LRP12: variants seen among roughly 807,000 people sequenced by gnomAD.
LRP12 encodes the protein LDL receptor related protein 12, also known as low-density lipoprotein receptor-related protein 12.
Under a neutral mutation model 66.0 loss-of-function variants are expected in LRP12, and 14 were observed. The ratio of observed to expected loss-of-function variants is 0.21; its 90% CI spans 0.14 to 0.33. The LOEUF (loss-of-function observed/expected upper bound fraction) is 0.33. Ranked by LOEUF, LRP12 falls within the 10% of genes least tolerant of loss-of-function variation. The pLI, the probability that LRP12 is intolerant of heterozygous loss-of-function variation, is 1.00. For synonymous variants in LRP12, 357 were observed against 359.1 expected, an observed-to-expected ratio of 0.99 and a Z score of 0.07; for missense variants, 889 against 1,053.4, an observed-to-expected ratio of 0.84 and a Z score of 2.16.
intron 1 of LRP12, among the ~76,000 whole-genome samples, chr8:104,563,800 T>C (rs1403603752): frequency 6.6e-6 from 1 of 152,166 alleles, no homozygotes; most frequent in Non-Finnish European, 1.5e-5. Context: ...TGCCAGTGCC[T>C]CGATGCTGGA....
At chr8:104,524,252 A>G in intron 2 of LRP12, among the ~76,000 whole-genome samples, 1 of 152,068 alleles carries the variant, frequency 6.6e-6, no homozygotes, top group East Asian at 1.9e-4. Context: ...AAAAAAAAAA[A>G]AAAAAAAAAA....
chr8:104,562,560 C>T (rs1307918477), intron 1 of LRP12, among the ~76,000 whole-genome samples: 2 of 152,190 alleles, frequency 1.3e-5, no homozygotes, highest in East Asian at 3.9e-4. Flanking sequence ...ACACTAATCA[C>T]ATTTTATTTT....
At chr8:104,583,520 A>G (rs7834086) in intron 1 of LRP12, among the ~76,000 whole-genome samples, 22,078 of 152,180 alleles carry the variant, frequency 0.15, 2,408 homozygotes, top group African/African-American at 0.31. Context: ...TCTCTGCCCC[A>G]TGTCTGTTTC....
chr8:104,563,250 A>G (rs1811943354), intron 1 of LRP12, among the ~76,000 whole-genome samples: 1 of 152,188 alleles, frequency 6.6e-6, no homozygotes, highest in Non-Finnish European at 1.5e-5. Flanking sequence ...TTGCTTAACA[A>G]ATGATAACCA....
At position 104,497,005 on chromosome 8, in the gene LRP12, C is replaced by G. The variant is rs1034287418; in HGVS notation, c.1547G>C (p.Cys516Ser). The change falls in exon 5 of 7, where the codon TGT (cysteine) becomes TCT (serine). Residue 516 changes from cysteine (C) to serine (S), a missense_variant. Transcript: ENST00000276654. This position sits in a 1 kb window ranked among gnomAD's most constrained non-coding sequence, Gnocchi z 4.3. ...AAACATTCTCAGAGAATAAAGCTTA[C>G]AAGTACATCCCAATGCTATGACGAG... ...LLLVIALGCTCKLYSLRMFER... is the reference protein window; with the variant it reads ...LLLVIALGCTSKLYSLRMFER... 1.9e-6 allele frequency: 3 copies of G among 1,545,854 alleles called. No individual in the cohort carries two copies. In the African/African-American group the frequency reaches 4.1e-5, roughly 21 times the overall value.
rs1429178977 is a variant in LRP12 at position 104,489,960 on chromosome 8, A to G, written c.*713T>C. On this transcript the variant is annotated 3_prime_UTR_variant, in exon 7 of 7. Coordinates refer to ENST00000276654, the MANE Select transcript of LRP12 (RefSeq NM_013437.5). Reference sequence around the variant, plus strand: ...CATCCACTTAATTCTGTTGCTAAATAGAGATGAAAAAAGAAATGACTTGGG... The same window carrying G: ...CATCCACTTAATTCTGTTGCTAAATGGAGATGAAAAAAGAAATGACTTGGG... The G allele has an allele frequency of 6.6e-6, 1 of 152,670 alleles. No homozygotes were observed. The highest frequency in any genetic ancestry group is 1.5e-5 in the Non-Finnish European group (1 of 68,028). 9.5% of individuals were successfully genotyped at this position (152,670 alleles called of 1,614,324 possible).
intron 1 of LRP12, among the ~76,000 whole-genome samples, chr8:104,582,849 A>G (rs1812274271): frequency 6.6e-6 from 1 of 152,142 alleles, no homozygotes; most frequent in Admixed American, 6.5e-5. Flanking sequence ...ATCACCCTCA[A>G]CTTCTCATTC....
chr8:104,546,306 C>T lies in LRP12; in HGVS notation c.80-14343G>A, dbSNP rs181516058. ...ATCAACTTCAAGGGTTTGATAAGTG[C>T]GAACAAATATGTCCAGTCAAGCAAC... On this transcript the variant is annotated intron_variant, in intron 1 of 6. Transcript: ENST00000276654. 1.1e-3 allele frequency among the ~76,000 whole-genome samples: 168 copies of T among 152,104 alleles called. 2 individuals are homozygous for T. Among genetic ancestry groups the T allele is most frequent in the African/African-American group, 3.0e-3 (124 of 41,518 alleles).
chr8:104,579,149 T>C (rs1056848671), intron 1 of LRP12, among the ~76,000 whole-genome samples: 7 of 152,134 alleles, frequency 4.6e-5, no homozygotes, highest in South Asian at 2.1e-4. Flanking sequence ...TTATCCCTGT[T>C]TGCAAATGAC....
In LRP12 at chr8:104,491,041, G is replaced by A. The variant is rs748604344; in HGVS notation, c.2212C>T (p.Arg738Cys). 5.6e-6 allele frequency: 9 copies of A among 1,614,104 alleles called. No individual in the cohort carries two copies. The highest frequency in any genetic ancestry group is 3.3e-5 in the Admixed American group (2 of 60,024). The change falls in exon 7 of 7, where the codon CGC becomes TGC. Residue 738 changes from arginine to cysteine, a missense_variant. By Grantham distance (180) the Arg-to-Cys change is radical (BLOSUM62 -3). This residue lies in a region of LRP12 where 800 missense variants were observed against 964.5 expected (regional missense o/e 0.83). Coordinates refer to ENST00000276654, the MANE Select transcript of LRP12 (RefSeq NM_013437.5). Reference sequence around the variant, plus strand: ...CGTCCTAATGTAAAACGTACCCAGCGTAGCCCCTGAGTCATACGACTGAGT... The same window carrying A: ...CGTCCTAATGTAAAACGTACCCAGCATAGCCCCTGAGTCATACGACTGAGT... Reference protein sequence around the residue: ...SALSRMTQGLRWVRFTLGRSS... With the variant: ...SALSRMTQGLCWVRFTLGRSS...
intron 6 of LRP12, among the ~76,000 whole-genome samples, chr8:104,492,650 A>C (rs1159314768): frequency 1.3e-5 from 2 of 152,146 alleles, no homozygotes; most frequent in Non-Finnish European, 2.9e-5. Context: ...TATTGCATTT[A>C]TTTATGCTTT....
chr8:104,588,776 C>T (rs372792186), intron 1 of LRP12, 43 bp downstream of exon 1: 2 of 1,593,226 alleles, frequency 1.3e-6, no homozygotes, highest in East Asian at 4.6e-5. Context: ...CGGGTCGCCT[C>T]AGCTTTGTTC....
At chr8:104,525,489 T>C (rs1035673078) in intron 2 of LRP12, among the ~76,000 whole-genome samples, 2 of 152,110 alleles carry the variant, frequency 1.3e-5, no homozygotes, top group Non-Finnish European at 2.9e-5. Context: ...ACCAAAAATA[T>C]ATTATTAATT....
At chr8:104,567,835 A>T (rs1812028280) in intron 1 of LRP12, among the ~76,000 whole-genome samples, 1 of 152,224 alleles carries the variant, frequency 6.6e-6, no homozygotes, top group Non-Finnish European at 1.5e-5. Context: ...GATTGGTAAG[A>T]CAATTCTTGA....
intron 1 of LRP12, among the ~76,000 whole-genome samples, chr8:104,546,934 T>C (rs1811571076): frequency 6.9e-6 from 1 of 144,702 alleles, no homozygotes. Context: ...AATTATATAT[T>C]ATATTTTGTA....
chr8:104,582,495 T>C (rs1227506623), intron 1 of LRP12, among the ~76,000 whole-genome samples: 5 of 152,210 alleles, frequency 3.3e-5, no homozygotes, highest in East Asian at 1.9e-4. Flanking sequence ...TCTTTATTGA[T>C]AGCTTAGCAG....
intron 2 of LRP12, among the ~76,000 whole-genome samples, chr8:104,523,561 T>A (rs1359532045): frequency 1.3e-5 from 2 of 152,162 alleles, no homozygotes; most frequent in African/African-American, 2.4e-5. Context: ...ATGCTAATCA[T>A]CTCCATGTGA....
rs777398485 is a variant in LRP12 at position 104,509,048 on chromosome 8, G to C, written c.163C>G (p.Arg55Gly). ...TACGETPEQI[R>G]APSGIITSPG... ...CTTGTGATTATGCCACTTGGTGCTC[G>C]TATTTGCTCTGGAGTCTCTCCACAA... Residue 55 changes from arginine (R) to glycine (G), a missense_variant, in exon 3 of 7, where the codon CGA becomes GGA. Transcript: ENST00000276654. The C allele has an allele frequency of 3.7e-6, 6 of 1,613,758 alleles. No individual in the cohort carries two copies. In the South Asian group the frequency reaches 5.5e-5, roughly 15 times the overall value.
intron 1 of LRP12, among the ~76,000 whole-genome samples, chr8:104,572,826 G>C (rs1353356752): frequency 6.6e-6 from 1 of 152,074 alleles, no homozygotes; most frequent in African/African-American, 2.4e-5. Context: ...TTTTAGAGTA[G>C]AGTTCAAATA....
Sources: gnomAD v4.1 joint callset for allele counts (sites outside exome capture counted in the v4.1 genomes callset) on GRCh38, gnomAD v4.1.1 for gene constraint, gnomAD v4.1.1 regional missense constraint, Gnocchi (gnomAD v3.1) non-coding constraint, MANE v1.5 for transcripts, NCBI Gene and HGNC (gene_info 2026-07-23, HGNC 2026-07-21) for gene names.